The following LPIN2 variants were observed in gnomAD, a reference collection of about 807,000 sequenced individuals.
The protein encoded by LPIN2 is phosphatidate phosphatase LPIN2.
A neutral mutation model predicts 111.4 loss-of-function variants in LPIN2; 55 were observed. That is an observed-to-expected ratio of 0.49 (90% confidence interval 0.40 to 0.62). LPIN2 has a LOEUF of 0.62. LPIN2 is among the 20% of genes least tolerant of loss of function. The probability of loss-of-function intolerance (pLI) is 0.00; values close to 1 mark genes in which losing one functional copy is unlikely to be tolerated. For synonymous variants in LPIN2, 425 were observed against 414.0 expected, an observed-to-expected ratio of 1.03 and a Z score of -0.32; for missense variants, 992 against 1,112.1, an observed-to-expected ratio of 0.89 and a Z score of 1.54.
chr18:2,954,884 ATAT>A lies in LPIN2; in HGVS notation c.193-288_193-286del, dbSNP rs3837908. 0.032 allele frequency among the ~76,000 whole-genome samples: 4,889 copies of A among 152,258 alleles called. 146 individuals are homozygous for A. Among genetic ancestry groups the A allele is most frequent in the East Asian group, 0.076 (395 of 5,188 alleles). On this transcript the variant is annotated intron_variant, in intron 2 of 19. Coordinates refer to ENST00000677752, the MANE Select transcript of LPIN2 (RefSeq NM_001375808.2). ...ATTTTTCAAATTTAAAATGGGGGAA[ATAT>A]TATTGTCAAACATTTGCACACTTTC...
chr18:2,928,583 C>T lies in LPIN2; in HGVS notation c.1620+8G>A, dbSNP rs751918963. 11 of 1,613,918 alleles carry T rather than the reference C, an allele frequency of 6.8e-6. No homozygotes were observed. The highest frequency in any genetic ancestry group is 6.7e-5 in the Admixed American group (4 of 60,010). On this transcript the variant is annotated splice_region_variant and intron_variant, in intron 11 of 19. Transcript: ENST00000677752. ...TTCGGAAAGGCAGCAGATGGTGGATCGCCTCACCTTAGGCAAGCTCTTCTG... is the reference window on the plus strand; with the variant it reads ...TTCGGAAAGGCAGCAGATGGTGGATTGCCTCACCTTAGGCAAGCTCTTCTG...
At chr18:2,981,445 C>CA (rs1289031904) in intron 1 of LPIN2, among the ~76,000 whole-genome samples, 1 of 152,208 alleles carries the variant, frequency 6.6e-6, no homozygotes, top group Non-Finnish European at 1.5e-5. Flanking sequence ...CCTAAGCAAA[C>CA]ACCTCTTGAC....
At chr18:2,993,314 T>C (rs2078295086) in intron 1 of LPIN2, among the ~76,000 whole-genome samples, 1 of 152,248 alleles carries the variant, frequency 6.6e-6, no homozygotes, top group Non-Finnish European at 1.5e-5. Flanking sequence ...ATACAGTCCA[T>C]AGTTTAAAAT....
At chr18:2,942,676 T>C (rs1371037076) in intron 4 of LPIN2, among the ~76,000 whole-genome samples, 1 of 152,188 alleles carries the variant, frequency 6.6e-6, no homozygotes, top group Admixed American at 6.5e-5. Context: ...AGCCCATTAG[T>C]CTAGGCCCAC....
In LPIN2 at chr18:2,931,458, T is replaced by A; in HGVS notation, c.1269-15A>T. ...GCTCCGATTCACTGTGGACAGGGGATGGGGAAAAGATGTGCTTTATTACAA... is the reference window on the plus strand; with the variant it reads ...GCTCCGATTCACTGTGGACAGGGGAAGGGGAAAAGATGTGCTTTATTACAA... On this transcript the variant is annotated splice_polypyrimidine_tract_variant and intron_variant, in intron 8 of 19. Coordinates refer to ENST00000677752, the MANE Select transcript of LPIN2 (RefSeq NM_001375808.2). 1.9e-6 allele frequency: 3 copies of A among 1,563,860 alleles called. No individual in the cohort carries two copies. The highest frequency in any genetic ancestry group is 2.6e-6 in the Non-Finnish European group (3 of 1,154,780).
chr18:2,940,945 G>T (rs2077359641), intron 4 of LPIN2, among the ~76,000 whole-genome samples: 1 of 152,080 alleles, frequency 6.6e-6, no homozygotes, highest in Admixed American at 6.6e-5. Context: ...AGAGAAATGT[G>T]ATTTCTCTTT....
At chr18:3,001,711 T>C (rs1033964111) in intron 1 of LPIN2, among the ~76,000 whole-genome samples, 1 of 152,158 alleles carries the variant, frequency 6.6e-6, no homozygotes, top group South Asian at 2.1e-4. Flanking sequence ...TAGGGAGCAG[T>C]AATCAGCTGT....
chr18:2,949,821 G>A (rs892722936), intron 4 of LPIN2, among the ~76,000 whole-genome samples: 2 of 151,976 alleles, frequency 1.3e-5, no homozygotes, highest in African/African-American at 2.4e-5. Flanking sequence ...ACTTTTTGCT[G>A]GGCTCAGTGG....
chr18:2,921,767 T>C, intron 17 of LPIN2, 120 bp from the exon 18 acceptor site: 1 of 824,554 alleles, frequency 1.2e-6, no homozygotes, highest in African/African-American at 1.7e-5. Flanking sequence ...AACTGGAATC[T>C]TTCCTTCTCC....
chr18:2,998,649 C>A (rs957769612), intron 1 of LPIN2, among the ~76,000 whole-genome samples: 4 of 150,948 alleles, frequency 2.6e-5, no homozygotes, highest in Admixed American at 2.6e-4. Flanking sequence ...GAAAGAAAAG[C>A]GTTGTAGAGC....
chr18:2,926,738 T>C lies in LPIN2; in HGVS notation c.1778A>G (p.Glu593Gly), dbSNP rs1220457835. ...GGGCACCCACCTGGCACCGGCCGGCTCCTTGGAGCTGGATGGCAGGTCACT... is the reference window on the plus strand; with the variant it reads ...GGGCACCCACCTGGCACCGGCCGGCCCCTTGGAGCTGGATGGCAGGTCACT... ...PASDLPSSSK[E>G]PAGARPAEND... Residue 593 changes from glutamate to glycine, a missense_variant, in exon 13 of 20, where the codon GAG (glutamate) becomes GGG (glycine). Glu to Gly is a moderately conservative substitution (Grantham distance 98, BLOSUM62 -2). Coordinates refer to ENST00000677752, the MANE Select transcript of LPIN2 (RefSeq NM_001375808.2). 1.2e-6 allele frequency: 2 copies of C among 1,613,182 alleles called. No homozygotes were observed. The highest frequency in any genetic ancestry group is 1.7e-6 in the Non-Finnish European group (2 of 1,180,004).
intron 1 of LPIN2, among the ~76,000 whole-genome samples, chr18:2,992,545 T>C (rs1039631963): frequency 2.6e-5 from 4 of 152,164 alleles, no homozygotes; most frequent in African/African-American, 9.7e-5. Flanking sequence ...TGAATCTTAC[T>C]ACAATTAGAA....
intron 4 of LPIN2, 49 bp downstream of exon 4, chr18:2,951,006 A>G (rs2143104349): frequency 6.2e-7 from 1 of 1,608,502 alleles, no homozygotes; most frequent in Non-Finnish European, 8.5e-7. Flanking sequence ...CTGGCTTCAC[A>G]TGAACTCTAG....
Position 2,924,558 on chromosome 18 carries a change from G to A in LPIN2, c.1939-12C>T, listed in dbSNP as rs1306456386. On this transcript the variant is annotated splice_polypyrimidine_tract_variant and intron_variant, in intron 14 of 19. Transcript: ENST00000677752. The stretch of plus-strand genomic sequence containing the variant: ...AGCTTCAGTTTTGCCTTTTAAAAAA[G>A]CATAAGAATAAAGAAAATCAGCTGA... 1.2e-6 allele frequency: 2 copies of A among 1,613,818 alleles called. No homozygotes were observed. Among genetic ancestry groups the A allele is most frequent in the South Asian group, 1.1e-5 (1 of 91,066 alleles).
At chr18:2,943,650 A>C (rs1051042613) in intron 4 of LPIN2, among the ~76,000 whole-genome samples, 12 of 152,208 alleles carry the variant, frequency 7.9e-5, no homozygotes, top group Non-Finnish European at 1.5e-4. Context: ...CCCCCAACCC[A>C]TAAAGACTTC....
intron 4 of LPIN2, among the ~76,000 whole-genome samples, chr18:2,941,116 G>A (rs1421671743): frequency 5.9e-5 from 9 of 152,216 alleles, no homozygotes; most frequent in African/African-American, 2.2e-4. Flanking sequence ...AAGATAGGAA[G>A]TAGTTGGATT....
chr18:2,931,108 A>G (rs1047522612), intron 9 of LPIN2, 148 bp downstream of exon 9: 73 of 935,866 alleles, frequency 7.8e-5, no homozygotes, highest in Admixed American at 2.4e-4. Context: ...GTGAGGGTAT[A>G]AGGGTCTGAC....
chr18:2,998,718 C>T (rs929903498), intron 1 of LPIN2, among the ~76,000 whole-genome samples: 3 of 151,710 alleles, frequency 2.0e-5, no homozygotes, highest in African/African-American at 7.3e-5. Context: ...CAAGAAGGCT[C>T]ATATCTGAAA....
chr18:2,933,281 C>T (rs1027404484), intron 8 of LPIN2, among the ~76,000 whole-genome samples: 16 of 152,168 alleles, frequency 1.1e-4, no homozygotes, highest in Non-Finnish European at 2.2e-4. Flanking sequence ...GGTATCATCA[C>T]CTTAGTTACT....
Sources: allele counts gnomAD v4.1 joint callset (sites outside exome capture counted in the v4.1 genomes callset), GRCh38; gene constraint gnomAD v4.1.1; transcripts MANE v1.5; gene names NCBI Gene and HGNC (gene_info 2026-07-23, HGNC 2026-07-21).